FCHSD2: variants seen among roughly 807,000 people sequenced by gnomAD.
The protein encoded by FCHSD2 is FCH and double SH3 domains 2, also known as F-BAR and double SH3 domains protein 2.
Under a neutral mutation model 108.1 loss-of-function variants are expected in FCHSD2, and 38 were observed. The observed-to-expected ratio is 0.35, with a 90% CI of 0.27 to 0.46. The LOEUF (loss-of-function observed/expected upper bound fraction) is 0.46. FCHSD2 is among the 20% of genes least tolerant of loss of function. The probability of loss-of-function intolerance (pLI) is 1.00; values close to 1 mark genes in which losing one functional copy is unlikely to be tolerated. For missense variants in FCHSD2, 751 were observed against 897.8 expected (o/e 0.84, Z 2.09); for synonymous variants, 279 against 314.7 (o/e 0.89, Z 1.20).
intron 9 of FCHSD2, among the ~76,000 whole-genome samples, chr11:72,906,807 T>C (rs747327330): frequency 4.6e-5 from 7 of 152,230 alleles, no homozygotes; most frequent in Admixed American, 2.0e-4. Context: ...ACCAGTGCCA[T>C]GCTGTTTTGG....
At chr11:72,952,370 T>C (rs1352597959) in intron 8 of FCHSD2, among the ~76,000 whole-genome samples, 1 of 151,850 alleles carries the variant, frequency 6.6e-6, no homozygotes, top group African/African-American at 2.4e-5. Context: ...TGTGACCTAG[T>C]GTGGAGTGCA....
At chr11:73,015,372 T>C (rs1857947887) in intron 4 of FCHSD2, among the ~76,000 whole-genome samples, 1 of 152,134 alleles carries the variant, frequency 6.6e-6, no homozygotes, top group Non-Finnish European at 1.5e-5. Flanking sequence ...TTAGAAAGTT[T>C]CCCCCCTAGT....
intron 13 of FCHSD2, among the ~76,000 whole-genome samples, chr11:72,855,129 C>T (rs1324505616): frequency 5.9e-5 from 9 of 152,126 alleles, no homozygotes; most frequent in Non-Finnish European, 1.0e-4. Flanking sequence ...CAAAATTAGC[C>T]GGGTGTGGTG....
intron 13 of FCHSD2, among the ~76,000 whole-genome samples, chr11:72,853,144 T>G (rs1183422074): frequency 6.6e-6 from 1 of 152,174 alleles, no homozygotes; most frequent in Non-Finnish European, 1.5e-5. Flanking sequence ...ACTTAAAAGT[T>G]TTTTTAAAAA....
intron 13 of FCHSD2, among the ~76,000 whole-genome samples, 168 bp from the exon 14 acceptor site, chr11:72,850,057 G>GTTTTTTT (rs10579880): frequency 1.2e-5 from 1 of 85,498 alleles, no homozygotes; most frequent in African/African-American, 4.7e-5. Flanking sequence ...AAAGAATAGA[G>GTTTTTTT]TTTTTTTTTT....
At chr11:72,942,114 T>C (rs1340317270) in intron 8 of FCHSD2, among the ~76,000 whole-genome samples, 1 of 152,254 alleles carries the variant, frequency 6.6e-6, no homozygotes, top group Non-Finnish European at 1.5e-5. Flanking sequence ...GTCTGTGTCA[T>C]GGCAGCAGAT....
At chr11:72,944,999 C>G (rs947162690) in intron 8 of FCHSD2, among the ~76,000 whole-genome samples, 1 of 152,156 alleles carries the variant, frequency 6.6e-6, no homozygotes, top group Non-Finnish European at 1.5e-5. Context: ...AGATTCAATG[C>G]CATCCTCATC....
intron 13 of FCHSD2, among the ~76,000 whole-genome samples, chr11:72,859,385 A>G (rs1861512532): frequency 6.6e-6 from 1 of 152,148 alleles, no homozygotes; most frequent in South Asian, 2.1e-4. Context: ...GACTGTCACC[A>G]TATCACGGTG....
intron 9 of FCHSD2, among the ~76,000 whole-genome samples, chr11:72,906,797 A>G (rs1204244535): frequency 6.6e-6 from 1 of 152,090 alleles, no homozygotes; most frequent in Non-Finnish European, 1.5e-5. Flanking sequence ...CTGTTTTGGT[A>G]CCAGTGCCAT....
chr11:72,870,985 T>A (rs553721111), intron 12 of FCHSD2, among the ~76,000 whole-genome samples: 58 of 152,248 alleles, frequency 3.8e-4, no homozygotes, highest in Non-Finnish European at 7.1e-4. Flanking sequence ...CAGTAATGTC[T>A]TTGCTTTTAA....
At chr11:72,959,683 C>T (rs925602342) in intron 8 of FCHSD2, among the ~76,000 whole-genome samples, 4 of 152,026 alleles carry the variant, frequency 2.6e-5, no homozygotes, top group African/African-American at 9.7e-5. Flanking sequence ...GACATTTCAA[C>T]GCACCTGCTC....
chr11:72,982,927 T>G (rs1405347630), intron 8 of FCHSD2, among the ~76,000 whole-genome samples: 1 of 151,810 alleles, frequency 6.6e-6, no homozygotes, highest in Non-Finnish European at 1.5e-5. Context: ...TTGGGAAGCT[T>G]AGGAGGGAGG....
chr11:72,943,049 T>C (rs1026403664), intron 8 of FCHSD2, among the ~76,000 whole-genome samples: 1 of 152,216 alleles, frequency 6.6e-6, no homozygotes, highest in Non-Finnish European at 1.5e-5. Flanking sequence ...TGGAGTGCAA[T>C]GGTGCGATCT....
At chr11:72,987,195 T>C (rs1283439467) in intron 6 of FCHSD2, among the ~76,000 whole-genome samples, 1 of 152,192 alleles carries the variant, frequency 6.6e-6, no homozygotes, top group Non-Finnish European at 1.5e-5. Flanking sequence ...ATAAAAACTA[T>C]AGGTAGTACA....
At chr11:73,028,502 C>T (rs369766908) in intron 3 of FCHSD2, among the ~76,000 whole-genome samples, 5 of 152,308 alleles carry the variant, frequency 3.3e-5, no homozygotes, top group African/African-American at 1.2e-4. Flanking sequence ...TTTACAGGCT[C>T]ACAGGCAGAA....
chr11:72,848,765 T>C (rs939328311), intron 14 of FCHSD2, among the ~76,000 whole-genome samples: 1 of 152,180 alleles, frequency 6.6e-6, no homozygotes, highest in African/African-American at 2.4e-5. Flanking sequence ...CTTAGGAATC[T>C]CTCTATTTAA....
intron 9 of FCHSD2, among the ~76,000 whole-genome samples, chr11:72,914,124 C>T (rs1855823445): frequency 6.6e-6 from 1 of 152,146 alleles, no homozygotes; most frequent in African/African-American, 2.4e-5. Context: ...AAGTGATTCT[C>T]CTGCCTCAGC....
chr11:73,103,873 C>T (rs912798406), intron 2 of FCHSD2, among the ~76,000 whole-genome samples: 1 of 152,206 alleles, frequency 6.6e-6, no homozygotes, highest in African/African-American at 2.4e-5. Context: ...AGCAAACTCT[C>T]CTCCAGAGAA....
intron 5 of FCHSD2, among the ~76,000 whole-genome samples, chr11:72,992,780 T>C (rs889772998): frequency 1.7e-4 from 26 of 152,288 alleles, no homozygotes; most frequent in African/African-American, 5.5e-4. Flanking sequence ...AAGACTTAAA[T>C]GTTAGACCTA....
Sources: gnomAD v4.1 joint callset for allele counts (sites outside exome capture counted in the v4.1 genomes callset) on GRCh38, gnomAD v4.1.1 for gene constraint, MANE v1.5 for transcripts, NCBI Gene and HGNC (gene_info 2026-07-23, HGNC 2026-07-21) for gene names.